Variants in LY96 observed in about 807,000 individuals in gnomAD.
The protein encoded by LY96 is myeloid differentiation protein-2.
Under a neutral mutation model 18.9 loss-of-function variants are expected in LY96, and 18 were observed. The ratio of observed to expected loss-of-function variants is 0.95; its 90% CI spans 0.66 to 1.41. LY96 has a LOEUF of 1.41. LY96 is among the 40% of genes most tolerant of loss of function. LY96 has a pLI of 0.00. For synonymous variants in LY96, 66 were observed against 62.6 expected (o/e 1.06, Z -0.26); for missense variants, 175 against 182.4 (o/e 0.96, Z 0.23).
At chr8:73,997,721 G>A (rs1006669038) in intron 1 of LY96, among the ~76,000 whole-genome samples, 16 of 152,080 alleles carry the variant, frequency 1.1e-4, no homozygotes, top group African/African-American at 3.9e-4. Flanking sequence ...CCCCTTTCTT[G>A]GGTTTGATCA....
chr8:74,092,029 C>A, the LY96 span, among the ~76,000 whole-genome samples: 2 of 152,136 alleles, frequency 1.3e-5, no homozygotes, highest in Non-Finnish European at 2.9e-5. Context: ...TCATTTAAAG[C>A]CTGATTTTCC....
the LY96 span, among the ~76,000 whole-genome samples, chr8:74,068,079 A>ATATATATATATATATATATATATAT: frequency 7.2e-5 from 7 of 97,232 alleles, no homozygotes; most frequent in African/African-American, 4.5e-4. Flanking sequence ...AAAAAAAAAA[A>ATATATATATATATATATATATATAT]AAAAAAAAAA....
chr8:74,060,032 A>T, the LY96 span, among the ~76,000 whole-genome samples: 1 of 151,984 alleles, frequency 6.6e-6, no homozygotes, highest in South Asian at 2.1e-4. Context: ...CCAGCTACTC[A>T]GGGGGCTGAG....
intron 2 of LY96, among the ~76,000 whole-genome samples, chr8:74,008,133 T>C (rs914909703): frequency 6.6e-6 from 1 of 152,212 alleles, no homozygotes; most frequent in Non-Finnish European, 1.5e-5. Flanking sequence ...TGGTGTCTCA[T>C]TGTTGCCATC....
At chr8:74,082,852 C>T in the LY96 span, among the ~76,000 whole-genome samples, 1 of 152,082 alleles carries the variant, frequency 6.6e-6, no homozygotes, top group Non-Finnish European at 1.5e-5. Flanking sequence ...TGTTCAGGTT[C>T]CTCTCTGTGT....
chr8:74,068,678 G>T, the LY96 span, among the ~76,000 whole-genome samples: 1 of 152,150 alleles, frequency 6.6e-6, no homozygotes, highest in Admixed American at 6.5e-5. Flanking sequence ...GTTTCAATTT[G>T]CAATGATGTT....
the LY96 span, among the ~76,000 whole-genome samples, chr8:74,043,002 C>G: frequency 1.3e-5 from 2 of 152,096 alleles, no homozygotes; most frequent in Non-Finnish European, 2.9e-5. Context: ...GTCTCAATCT[C>G]TTGACCTCAT....
chr8:74,075,898 G>A, the LY96 span, among the ~76,000 whole-genome samples: 4 of 152,202 alleles, frequency 2.6e-5, no homozygotes, highest in African/African-American at 9.6e-5. Flanking sequence ...CGGTTTGGGT[G>A]CAGGATGATG....
chr8:74,092,114 G>C, the LY96 span, among the ~76,000 whole-genome samples: 2 of 152,146 alleles, frequency 1.3e-5, no homozygotes, highest in African/African-American at 2.4e-5. Flanking sequence ...GGGGCTTTCT[G>C]TCTTCTTACC....
chr8:74,011,541 A>C (rs751373036), intron 3 of LY96, among the ~76,000 whole-genome samples: 1 of 152,190 alleles, frequency 6.6e-6, no homozygotes, highest in Non-Finnish European at 1.5e-5. Context: ...CAACAGCAAC[A>C]ACAAAAACAA....
chr8:74,029,327 G>T (rs950615850), downstream of LY96, among the ~76,000 whole-genome samples: 4 of 152,122 alleles, frequency 2.6e-5, no homozygotes, highest in African/African-American at 7.2e-5. Flanking sequence ...AATGGGCAAG[G>T]TAGGGTAAGT....
At chr8:74,046,662 A>G in the LY96 span, among the ~76,000 whole-genome samples, 2 of 152,302 alleles carry the variant, frequency 1.3e-5, no homozygotes, top group Middle Eastern at 3.4e-3. Context: ...TTTTGGTGGC[A>G]TATGATCAAT....
At chr8:74,050,198 G>A in the LY96 span, among the ~76,000 whole-genome samples, 1 of 151,826 alleles carries the variant, frequency 6.6e-6, no homozygotes, top group East Asian at 1.9e-4. Flanking sequence ...CAAAAATTAG[G>A]TGGGCCTGGT....
the LY96 span, among the ~76,000 whole-genome samples, chr8:74,081,030 CTTTCTTTCTTTCT>C: frequency 6.5e-5 from 8 of 122,208 alleles, no homozygotes; most frequent in African/African-American, 3.3e-4. Flanking sequence ...TTCTTTCTTT[CTTTCTTTCTTTCT>C]TTCTTTTTCT....
At chr8:74,047,732 G>T in the LY96 span, among the ~76,000 whole-genome samples, 1 of 152,018 alleles carries the variant, frequency 6.6e-6, no homozygotes. Flanking sequence ...TACCACCTCA[G>T]GTGGTTGTGA....
the LY96 span, among the ~76,000 whole-genome samples, chr8:74,058,972 A>G: frequency 3.2e-3 from 485 of 152,298 alleles, 6 homozygotes; most frequent in African/African-American, 0.011. Flanking sequence ...TTGATGTTTC[A>G]GCTCAAGCAG....
intron 4 of LY96, among the ~76,000 whole-genome samples, 167 bp downstream of exon 4, chr8:74,027,008 A>T (rs1295437903): frequency 6.7e-6 from 1 of 149,420 alleles, no homozygotes; most frequent in Non-Finnish European, 1.5e-5. Context: ...ATCTCTGCTC[A>T]CTGCAACCTC....
the LY96 span, among the ~76,000 whole-genome samples, chr8:74,059,070 G>A: frequency 1.3e-5 from 2 of 152,080 alleles, no homozygotes; most frequent in East Asian, 1.9e-4. Context: ...ACCCACATTG[G>A]GGAAGGCCAT....
chr8:74,031,176 A>G (rs1260007036), downstream of LY96, among the ~76,000 whole-genome samples: 1 of 152,138 alleles, frequency 6.6e-6, no homozygotes, highest in Non-Finnish European at 1.5e-5. Flanking sequence ...CATGACCACC[A>G]TATCTCTCAT....
Sources: gnomAD v4.1 joint callset for allele counts (sites outside exome capture counted in the v4.1 genomes callset) on GRCh38, gnomAD v4.1.1 for gene constraint, MANE v1.5 for transcripts, NCBI Gene and HGNC (gene_info 2026-07-23, HGNC 2026-07-21) for gene names.